Variants in SESTD1 observed in about 807,000 individuals in gnomAD.
SESTD1 encodes SEC14 domain and spectrin repeat-containing protein 1.
In SESTD1, 43 loss-of-function variants were observed where a neutral mutation model predicts 101.7. The observed-to-expected ratio is 0.42, with a 90% CI of 0.33 to 0.55. The LOEUF (loss-of-function observed/expected upper bound fraction) is 0.55, where lower values mean the gene tolerates loss of function less well. Among genes scored for constraint, SESTD1 ranks in the 20% least tolerant of loss-of-function variants. The pLI is 0.07. For missense variants in SESTD1, 647 were observed against 815.1 expected (o/e 0.79, Z 2.51); for synonymous variants, 283 against 286.8 (o/e 0.99, Z 0.13).
At chr2:179,140,505 C>G (rs903688385) in intron 9 of SESTD1, among the ~76,000 whole-genome samples, 1 of 152,176 alleles carries the variant, frequency 6.6e-6, no homozygotes, top group African/African-American at 2.4e-5. Flanking sequence ...GGAACCAATC[C>G]TGCTGACATC....
At chr2:179,149,215 G>T in intron 7 of SESTD1, 82 bp downstream of exon 7, 1 of 932,842 alleles carries the variant, frequency 1.1e-6, no homozygotes, top group Non-Finnish European at 1.6e-6. Flanking sequence ...AGTTCTTTTA[G>T]CTTGCATTAA....
chr2:179,256,173 T>A (rs1184943384), intron 1 of SESTD1, among the ~76,000 whole-genome samples: 1 of 152,258 alleles, frequency 6.6e-6, no homozygotes, highest in African/African-American at 2.4e-5. Context: ...AAGGAGTAAG[T>A]TTGACTTTCA....
intron 3 of SESTD1, among the ~76,000 whole-genome samples, chr2:179,177,025 C>T (rs181329607): frequency 1.3e-5 from 2 of 152,264 alleles, no homozygotes; most frequent in African/African-American, 2.4e-5. Flanking sequence ...GGCTTCTTAG[C>T]GTTCCTTTGG....
intron 1 of SESTD1, among the ~76,000 whole-genome samples, chr2:179,209,992 C>T (rs1451843515): frequency 7.6e-6 from 1 of 132,186 alleles, no homozygotes; most frequent in East Asian, 2.0e-4. Context: ...AGAGAAGATC[C>T]AAATAAGCTC....
intron 8 of SESTD1, 135 bp downstream of exon 8, chr2:179,146,267 T>C (rs1482909412): frequency 2.7e-6 from 2 of 750,974 alleles, no homozygotes; most frequent in Admixed American, 5.5e-5. Flanking sequence ...ACAAAACCAG[T>C]CCCTGGTCCT....
intron 1 of SESTD1, among the ~76,000 whole-genome samples, chr2:179,231,638 A>G (rs1350013294): frequency 6.6e-6 from 1 of 151,722 alleles, no homozygotes; most frequent in African/African-American, 2.4e-5. Flanking sequence ...AGTCATTAAA[A>G]ATTTTTTCAT....
At chr2:179,127,793 C>A (rs1286704614) in intron 10 of SESTD1, among the ~76,000 whole-genome samples, 1 of 152,124 alleles carries the variant, frequency 6.6e-6, no homozygotes, top group Non-Finnish European at 1.5e-5. Flanking sequence ...CAATAACAAG[C>A]ATAGAATATT....
intron 1 of SESTD1, among the ~76,000 whole-genome samples, chr2:179,228,623 T>C (rs1401401503): frequency 6.6e-6 from 1 of 152,104 alleles, no homozygotes; most frequent in Non-Finnish European, 1.5e-5. Flanking sequence ...CTGGTTTCAG[T>C]AGGGAAAAAA....
chr2:179,156,106 G>A (rs182876277), intron 5 of SESTD1, among the ~76,000 whole-genome samples: 18 of 149,074 alleles, frequency 1.2e-4, no homozygotes, highest in African/African-American at 3.2e-4. Context: ...TCCATCATAC[G>A]TGTATATATA....
At chr2:179,120,655 A>T (rs1233497174) in intron 13 of SESTD1, among the ~76,000 whole-genome samples, 1 of 152,256 alleles carries the variant, frequency 6.6e-6, no homozygotes, top group Non-Finnish European at 1.5e-5. Flanking sequence ...CTGAACTTTA[A>T]GTAAGATACA....
At position 179,247,169 on chromosome 2, in the gene SESTD1, C is replaced by T. The variant is rs185224179; in HGVS notation, c.-26+17330G>A. Among the ~76,000 whole-genome samples the T allele has an allele frequency of 1.4e-4, 21 of 150,656 alleles. No homozygotes were observed. The East Asian group carries it at 2.5e-3, about 18-fold the overall frequency. On this transcript the variant is annotated intron_variant, in intron 1 of 17. Transcript: ENST00000428443. ...ATTGACAAATAATTGTACATATTCA[C>T]GTAGTACATAGTAATGTTTTGATAT...
At chr2:179,204,743 C>T (rs185937909) in intron 1 of SESTD1, among the ~76,000 whole-genome samples, 4 of 135,328 alleles carry the variant, frequency 3.0e-5, no homozygotes, top group Admixed American at 2.2e-4. Context: ...TGCTTTTACA[C>T]CATCAGCACA....
intron 1 of SESTD1, among the ~76,000 whole-genome samples, chr2:179,231,198 T>C (rs370979248): frequency 1.1e-4 from 17 of 152,244 alleles, no homozygotes; most frequent in African/African-American, 2.6e-4. Flanking sequence ...ATCTAACCAA[T>C]AGGTAAACTT....
intron 1 of SESTD1, among the ~76,000 whole-genome samples, chr2:179,236,048 G>A (rs917867252): frequency 1.3e-5 from 2 of 152,012 alleles, no homozygotes; most frequent in African/African-American, 4.8e-5. Flanking sequence ...CCTCCTCAGT[G>A]CTACCATTTA....
intron 7 of SESTD1, among the ~76,000 whole-genome samples, chr2:179,148,320 AG>A (rs1331572295): frequency 1.3e-5 from 2 of 152,228 alleles, no homozygotes; most frequent in Non-Finnish European, 2.9e-5. Context: ...TTTAGTGACC[AG>A]TAATAATCAA....
At chr2:179,233,096 T>C (rs1011865438) in intron 1 of SESTD1, among the ~76,000 whole-genome samples, 2 of 152,182 alleles carry the variant, frequency 1.3e-5, no homozygotes, top group Admixed American at 1.3e-4. Context: ...CAAATGTCTC[T>C]ATTGGTATTT....
Position 179,117,556 on chromosome 2 carries a change from A to G in SESTD1, c.1500T>C (p.Phe500=). 1 of 1,581,902 alleles carries G rather than the reference A, an allele frequency of 6.3e-7. No homozygotes were observed. Among genetic ancestry groups the G allele is most frequent in the Non-Finnish European group, 8.6e-7 (1 of 1,168,730 alleles). The change falls in exon 14 of 18, where the codon TTT becomes TTC. Residue 500 remains phenylalanine, a synonymous_variant. Transcript: ENST00000428443. ...RLKMLQMVQL[F]KCEEDAAQAV... is the part of the protein sequence containing the mutation. ...CCTGGGCAGCATCTTCTTCACATTT[A>G]AACAACTGCACCATCTGAAGCATCT... is the stretch of plus-strand genomic sequence containing the variant.
intron 1 of SESTD1, among the ~76,000 whole-genome samples, chr2:179,235,909 G>A (rs1023113776): frequency 1.8e-4 from 27 of 152,254 alleles, no homozygotes; most frequent in African/African-American, 6.5e-4. Flanking sequence ...CATCTTCGCT[G>A]AAATAACATT....
At position 179,215,924 on chromosome 2, in the gene SESTD1, T is replaced by A. The variant is rs1006621580; in HGVS notation, c.-25-24058A>T. 2.2e-5 allele frequency among the ~76,000 whole-genome samples: 3 copies of A among 135,086 alleles called. 1 individual carries two copies. The South Asian group carries it at 8.4e-4, about 38-fold the overall frequency. 88.6% of individuals were successfully genotyped at this position (135,086 alleles called of 152,430 possible). A position where few individuals can be genotyped will look rare whatever the true frequency, so the allele number is the denominator to read the frequency against. On this transcript the variant is annotated intron_variant, in intron 1 of 17. Coordinates refer to ENST00000428443, the MANE Select transcript of SESTD1 (RefSeq NM_178123.5). ...ATATCAACAGATGCAGAAAAGGCCT[T>A]CAATAAAATTCAGTAGCCCTTTATG...
Sources: allele counts gnomAD v4.1 joint callset (sites outside exome capture counted in the v4.1 genomes callset), GRCh38; gene constraint gnomAD v4.1.1; transcripts MANE v1.5; gene names NCBI Gene and HGNC (gene_info 2026-07-23, HGNC 2026-07-21).